RPGRIP1L: variants seen among roughly 807,000 people sequenced by gnomAD.
RPGRIP1L encodes RPGRIP1 like, also known as protein fantom.
A neutral mutation model predicts 160.4 loss-of-function variants in RPGRIP1L; 131 were observed. The observed-to-expected ratio is 0.82, with a 90% CI of 0.71 to 0.94. RPGRIP1L has a LOEUF of 0.94. Among genes scored for constraint, RPGRIP1L ranks in the 40% least tolerant of loss-of-function variants. The probability of loss-of-function intolerance (pLI) is 0.00; values close to 1 mark genes in which losing one functional copy is unlikely to be tolerated. For missense variants in RPGRIP1L, 1,522 were observed against 1,535.8 expected (o/e 0.99, Z 0.15); for synonymous variants, 510 against 515.8 (o/e 0.99, Z 0.15).
Position 53,656,525 on chromosome 16 carries a change from TCCA to T in RPGRIP1L, c.1643_1645del (p.Val548del). On this transcript the variant is annotated inframe_deletion, in exon 14 of 27. Transcript: ENST00000647211. ...GATATCAAGAAGATGAACATACTGT[TCCA>T]CTTTGAGTTCATAATCTTGCTGCAA... is the stretch of plus-strand genomic sequence containing the variant. The T allele has an allele frequency of 6.2e-7, 1 of 1,614,082 alleles. No individual in the cohort carries two copies. The highest frequency in any genetic ancestry group is 1.3e-5 in the African/African-American group (1 of 75,056).
intron 10 of RPGRIP1L, among the ~76,000 whole-genome samples, chr16:53,662,654 T>C (rs1459324496): frequency 6.6e-6 from 1 of 152,076 alleles, no homozygotes; most frequent in Non-Finnish European, 1.5e-5. Flanking sequence ...ATTATTTCCT[T>C]GGAAGAAATG....
chr16:53,698,260 G>A lies in RPGRIP1L; in HGVS notation c.86-1965C>T, dbSNP rs1243091272. On this transcript the variant is annotated intron_variant, in intron 2 of 26. Coordinates refer to ENST00000647211, the MANE Select transcript of RPGRIP1L (RefSeq NM_015272.5). ...TCTCCGCCCGGCAGCCGACCCGTCC[G>A]GGAGGGAGGTGGGGGGTCAGCCCCC... Among the ~76,000 whole-genome samples, 23 of 151,230 alleles carry A rather than the reference G, an allele frequency of 1.5e-4. 1 individual carries two copies. Among genetic ancestry groups the A allele is most frequent in the Admixed American group, 1.3e-4 (2 of 15,272 alleles).
At chr16:53,653,226 GA>G (rs1201937009) in intron 14 of RPGRIP1L, 2 of 785,922 alleles carry the variant, frequency 2.5e-6, no homozygotes, top group Admixed American at 6.2e-5. Flanking sequence ...CCTAAGCCAG[GA>G]AAAAGGGGAG....
Position 53,622,350 on chromosome 16 carries a change from C to CGA in RPGRIP1L, c.3299_3300dup (p.Ala1101SerfsTer34), listed in dbSNP as rs797045104. On this transcript the variant is annotated frameshift_variant, in exon 23 of 27. Coordinates refer to ENST00000647211, the MANE Select transcript of RPGRIP1L (RefSeq NM_015272.5). LOFTEE classifies it high-confidence loss of function. The stretch of plus-strand genomic sequence containing the variant: ...CTGCACCCCAGCCCGGGAGACAATG[C>CGA]GAGACTCTGTCTCAAAAAAAAAAAA... 14 of 593,638 alleles carry CGA rather than the reference C, an allele frequency of 2.4e-5. No individual in the cohort carries two copies. In the East Asian group the frequency reaches 4.2e-4, roughly 18 times the overall value. The allele number at this position is 593,638 out of a possible 1,614,324, so 36.8% of individuals were successfully genotyped here. A position where few individuals can be genotyped will look rare whatever the true frequency, so the allele number is the denominator to read the frequency against.
chr16:53,613,378 T>C (rs904551255), intron 24 of RPGRIP1L, among the ~76,000 whole-genome samples: 1 of 151,934 alleles, frequency 6.6e-6, no homozygotes, highest in African/African-American at 2.4e-5. Context: ...GGTGTGATCA[T>C]AGCTCACTGC....
At chr16:53,609,347 C>G (rs193168893) in intron 25 of RPGRIP1L, among the ~76,000 whole-genome samples, 133 of 152,298 alleles carry the variant, frequency 8.7e-4, no homozygotes, top group African/African-American at 3.1e-3. Context: ...ATCCTTTTGC[C>G]TTGGCCTCCC....
intron 9 of RPGRIP1L, among the ~76,000 whole-genome samples, chr16:53,669,459 G>GAA (rs34727957): frequency 5.6e-5 from 8 of 143,400 alleles, no homozygotes; most frequent in African/African-American, 2.0e-4. Flanking sequence ...ATAAAACATT[G>GAA]AAAAAAAAAA....
chr16:53,682,922 T>A (rs1459424440), intron 6 of RPGRIP1L, among the ~76,000 whole-genome samples: 1 of 152,192 alleles, frequency 6.6e-6, no homozygotes. Context: ...ATATTCATGT[T>A]TCTTTTGTCT....
intron 25 of RPGRIP1L, among the ~76,000 whole-genome samples, chr16:53,609,304 C>T (rs1394678395): frequency 6.6e-6 from 1 of 152,018 alleles, no homozygotes; most frequent in Non-Finnish European, 1.5e-5. Flanking sequence ...CACTATGTTG[C>T]TCAGGCCAGT....
At position 53,663,012 on chromosome 16, in the gene RPGRIP1L, C is replaced by T. The variant is rs145877077; in HGVS notation, c.1243+1858G>A. Among the ~76,000 whole-genome samples, 50 of 151,882 alleles carry T rather than the reference C, an allele frequency of 3.3e-4. 1 individual carries two copies. Among genetic ancestry groups the T allele is most frequent in the East Asian group, 1.4e-3 (7 of 5,178 alleles). ...AGATTTATATTAAGGAATGATTTTA[C>T]AATATAGCAAAAAAAGCACATTGTA... On this transcript the variant is annotated intron_variant, in intron 10 of 26. Transcript: ENST00000647211.
At chr16:53,668,860 C>T (rs1421423514) in intron 9 of RPGRIP1L, among the ~76,000 whole-genome samples, 1 of 152,032 alleles carries the variant, frequency 6.6e-6, no homozygotes, top group East Asian at 1.9e-4. Flanking sequence ...AGTGTTTTAG[C>T]ATATTAAAAA....
At chr16:53,702,914 G>C (rs936016665) in intron 1 of RPGRIP1L, among the ~76,000 whole-genome samples, 5 of 152,182 alleles carry the variant, frequency 3.3e-5, no homozygotes, top group Non-Finnish European at 5.9e-5. Context: ...ACGGGTATTA[G>C]TCTTGTTCAC....
At chr16:53,656,624 T>G (rs1245622505) in intron 13 of RPGRIP1L, 35 bp from the exon 14 acceptor site, 2 of 1,355,644 alleles carry the variant, frequency 1.5e-6, no homozygotes, top group Non-Finnish European at 1.1e-6. Flanking sequence ...TTAATACTTA[T>G]GATTAGTTCT....
At chr16:53,690,010 A>G (rs1032661060) in intron 4 of RPGRIP1L, among the ~76,000 whole-genome samples, 1 of 152,198 alleles carries the variant, frequency 6.6e-6, no homozygotes, top group Non-Finnish European at 1.5e-5. Flanking sequence ...AATTTATAGC[A>G]CTAGATTAGC....
At chr16:53,644,920 T>C (rs191068202) in intron 17 of RPGRIP1L, among the ~76,000 whole-genome samples, 113 of 152,228 alleles carry the variant, frequency 7.4e-4, no homozygotes, top group African/African-American at 2.7e-3. Context: ...GGTAATTACA[T>C]AGGTAATTAC....
At chr16:53,637,452 G>A (rs1965911680) in intron 21 of RPGRIP1L, among the ~76,000 whole-genome samples, 2 of 152,086 alleles carry the variant, frequency 1.3e-5, no homozygotes, top group Admixed American at 6.6e-5. Context: ...CATAAATTGG[G>A]AACATGGTCA....
At chr16:53,685,274 A>C (rs1363151830) in intron 6 of RPGRIP1L, among the ~76,000 whole-genome samples, 1 of 152,222 alleles carries the variant, frequency 6.6e-6, no homozygotes, top group Non-Finnish European at 1.5e-5. Context: ...AATTTGGTTC[A>C]ACCATTGTGT....
chr16:53,682,533 G>A (rs1370977638), intron 6 of RPGRIP1L, among the ~76,000 whole-genome samples: 1 of 152,062 alleles, frequency 6.6e-6, no homozygotes, highest in East Asian at 1.9e-4. Context: ...CATCCCTTTG[G>A]AAAAGGGAAT....
At chr16:53,638,226 TC>T in intron 20 of RPGRIP1L, 83 bp downstream of exon 20, 1 of 852,136 alleles carries the variant, frequency 1.2e-6, no homozygotes, top group Non-Finnish European at 2.0e-6. Context: ...TGCTATGACT[TC>T]CTGAGTCATG....
Sources: gnomAD v4.1 joint callset for allele counts (sites outside exome capture counted in the v4.1 genomes callset) on GRCh38, gnomAD v4.1.1 for gene constraint, MANE v1.5 for transcripts, NCBI Gene and HGNC (gene_info 2026-07-23, HGNC 2026-07-21) for gene names.